Variants in ADRA1A observed in about 807,000 individuals in gnomAD.
ADRA1A encodes alpha-1A adrenergic receptor.
Under a neutral mutation model 29.6 loss-of-function variants are expected in ADRA1A, and 31 were observed. That is an observed-to-expected ratio of 1.05 (90% CI 0.79 to 1.41). The LOEUF is 1.41. Ranked by LOEUF, ADRA1A falls within the 40% of genes most tolerant of loss-of-function variation. The pLI is 0.00. For synonymous variants in ADRA1A, 311 were observed against 254.3 expected, an observed-to-expected ratio of 1.22 and a Z score of -2.12; for missense variants, 619 against 601.1, an observed-to-expected ratio of 1.03 and a Z score of -0.31.
intron 2 of ADRA1A, among the ~76,000 whole-genome samples, chr8:26,788,943 T>A (rs1165422226): frequency 2.0e-5 from 3 of 152,178 alleles, no homozygotes; most frequent in Non-Finnish European, 4.4e-5. Context: ...TATATATTTT[T>A]AAAATTTTAC....
Position 26,865,013 on chromosome 8 carries a change from C to G in ADRA1A, c.-44G>C. On this transcript the variant is annotated 5_prime_UTR_variant, in exon 2 of 3. Transcript: ENST00000380573. The surrounding 1 kb of genome is among the most constrained non-coding windows in gnomAD (Gnocchi z 7.6). ...GCGAGGTCCGGCTGTCCAGGGCCAC[C>G]TCCCGGGCTGGCGCGGAGGCGGGAG... is the stretch of plus-strand genomic sequence containing the variant. The G allele has an allele frequency of 6.5e-7, 1 of 1,534,858 alleles. No homozygotes were observed. The highest frequency in any genetic ancestry group is 8.7e-7 in the Non-Finnish European group (1 of 1,148,874).
Position 26,864,806 on chromosome 8 carries a change from C to T in ADRA1A, c.164G>A (p.Arg55Gln), listed in dbSNP as rs373498579. The T allele has an allele frequency of 2.0e-5, 33 of 1,614,118 alleles. No homozygotes were observed. The East Asian group carries it at 4.2e-4, about 21-fold the overall frequency. Reference sequence around the variant, plus strand: ...GTAGTGCGTGACTGAGTGCAGGTGTCGGTGACAGGCTACGGAGAGGATCAC... The same window carrying T: ...GTAGTGCGTGACTGAGTGCAGGTGTTGGTGACAGGCTACGGAGAGGATCAC... ...ILVILSVACH[R>Q]HLHSVTHYYI... The change falls in exon 2 of 3, where the codon CGA (arginine) becomes CAA (glutamine). Residue 55 changes from arginine (R) to glutamine (Q), a missense_variant. Physicochemically the swap from Arg to Gln is conservative, Grantham distance 43. Coordinates refer to ENST00000380573, the MANE Select transcript of ADRA1A (RefSeq NM_000680.4). The surrounding 1 kb of genome is among the most constrained non-coding windows in gnomAD (Gnocchi z 8.1).
In ADRA1A at chr8:26,864,588, C is replaced by T. The variant is rs938487720; in HGVS notation, c.382G>A (p.Val128Met). ...CIISIDRYIG[V>M]SYPLRYPTIV... ...GTTGGGTAGCGCAGCGGGTAGCTCA[C>T]GCCGATGTAGCGGTCGATGGAGATG... Residue 128 changes from valine to methionine, a missense_variant, in exon 2 of 3, where the codon GTG (valine) becomes ATG (methionine). By Grantham distance (21) the Val-to-Met change is conservative. Transcript: ENST00000380573. This position sits in a 1 kb window ranked among gnomAD's most constrained non-coding sequence, Gnocchi z 8.1. 20 of 1,613,992 alleles carry T rather than the reference C, an allele frequency of 1.2e-5. No individual in the cohort carries two copies. The highest frequency in any genetic ancestry group is 1.6e-5 in the Non-Finnish European group (19 of 1,180,048).
intron 2 of ADRA1A, among the ~76,000 whole-genome samples, chr8:26,811,049 G>T (rs910275755): frequency 6.6e-5 from 10 of 152,174 alleles, no homozygotes; most frequent in African/African-American, 2.4e-4. Flanking sequence ...ACAAGACATG[G>T]TTTATCAAAC....
At chr8:26,792,537 C>T (rs989821875) in intron 2 of ADRA1A, among the ~76,000 whole-genome samples, 3 of 150,436 alleles carry the variant, frequency 2.0e-5, no homozygotes, top group African/African-American at 7.4e-5. Context: ...CTTAGTAGCA[C>T]AAAGAAGACC....
Position 26,825,866 on chromosome 8 carries a change from G to T in ADRA1A, c.883+38221C>A, listed in dbSNP as rs895914354. Among the ~76,000 whole-genome samples the T allele has an allele frequency of 6.6e-6, 1 of 152,186 alleles. No homozygotes were observed. Among genetic ancestry groups the T allele is most frequent in the Non-Finnish European group, 1.5e-5 (1 of 68,038 alleles). On this transcript the variant is annotated intron_variant, in intron 2 of 2. Coordinates refer to ENST00000380573, the MANE Select transcript of ADRA1A (RefSeq NM_000680.4). This position sits in a 1 kb window ranked among gnomAD's most constrained non-coding sequence, Gnocchi z 5.7. ...CAGAAAATCGACTTCCAAGTTCTGC[G>T]CACTGGTGTTTGCATGAGGACATGA...
intron 2 of ADRA1A, among the ~76,000 whole-genome samples, chr8:26,850,746 C>T (rs906862925): frequency 2.6e-5 from 4 of 152,200 alleles, no homozygotes; most frequent in Non-Finnish European, 5.9e-5. Flanking sequence ...CCCACCTCGG[C>T]CTCCCAAATT....
chr8:26,766,211 T>C (rs932361901), downstream of ADRA1A: 33 of 1,132,366 alleles, frequency 2.9e-5, no homozygotes, highest in Non-Finnish European at 3.8e-5. Context: ...TCGTATTTGC[T>C]TTCATTTATT....
At chr8:26,763,169 A>G (rs1295072260), downstream of ADRA1A, among the ~76,000 whole-genome samples, 1 of 152,172 alleles carries the variant, frequency 6.6e-6, no homozygotes, top group African/African-American at 2.4e-5. This position sits in a 1 kb window ranked among gnomAD's most constrained non-coding sequence, Gnocchi z 4.5. Context: ...TCTGAACCCC[A>G]TGGCTCTCCT....
At chr8:26,856,772 C>A (rs925679385) in intron 2 of ADRA1A, among the ~76,000 whole-genome samples, 1 of 152,172 alleles carries the variant, frequency 6.6e-6, no homozygotes, top group Non-Finnish European at 1.5e-5. Context: ...GCTCTGTACA[C>A]GGTTTTCGAT....
intron 2 of ADRA1A, among the ~76,000 whole-genome samples, chr8:26,834,000 C>CA (rs1216562160): frequency 6.6e-6 from 1 of 151,970 alleles, no homozygotes; most frequent in Non-Finnish European, 1.5e-5. Flanking sequence ...CTGGATAACT[C>CA]AAAAGTTATT....
intron 2 of ADRA1A, among the ~76,000 whole-genome samples, chr8:26,811,550 G>A (rs1809398897): frequency 6.6e-6 from 1 of 152,164 alleles, no homozygotes; most frequent in South Asian, 2.1e-4. Context: ...CCTTGTCACT[G>A]CCACTAAACT....
downstream of ADRA1A, among the ~76,000 whole-genome samples, chr8:26,763,599 G>GTTTAGAACATGAAT (rs59698077): frequency 6.6e-6 from 1 of 151,820 alleles, no homozygotes; most frequent in Non-Finnish European, 1.5e-5. The surrounding 1 kb of genome is among the most constrained non-coding windows in gnomAD (Gnocchi z 4.5). Context: ...ACTCATGCAG[G>GTTTAGAACATGAAT]TTAGCCAAGT....
At chr8:26,748,885 G>A (rs1194676892) in intron 2 of ADRA1A, 5 of 335,246 alleles carry the variant, frequency 1.5e-5, no homozygotes, top group Non-Finnish European at 2.9e-5. Context: ...CCAATGTCTT[G>A]GCACCAGTCA....
At chr8:26,808,133 TTTAA>T (rs1809133449) in intron 2 of ADRA1A, among the ~76,000 whole-genome samples, 2 of 152,224 alleles carry the variant, frequency 1.3e-5, no homozygotes, top group African/African-American at 2.4e-5. Context: ...ACATAATCCT[TTTAA>T]TTAGTTTCTT....
At position 26,775,091 on chromosome 8, in the gene ADRA1A, G is replaced by A. The variant is rs950985494; in HGVS notation, c.884-4425C>T. ...GGGAAGTCCATTCGAGCAGCCATCC[G>A]GCCGGCTTTGCTCACTCACGGAGCT... On this transcript the variant is annotated intron_variant, in intron 2 of 2. Coordinates refer to ENST00000380573, the MANE Select transcript of ADRA1A (RefSeq NM_000680.4). This position sits in a 1 kb window ranked among gnomAD's most constrained non-coding sequence, Gnocchi z 4.1. Among the ~76,000 whole-genome samples the A allele has an allele frequency of 2.0e-5, 3 of 152,154 alleles. No homozygotes were observed. Among genetic ancestry groups the A allele is most frequent in the Non-Finnish European group, 2.9e-5 (2 of 68,032 alleles).
intron 2 of ADRA1A, among the ~76,000 whole-genome samples, chr8:26,840,807 T>C (rs1079081): frequency 0.036 from 5,470 of 152,290 alleles, 150 homozygotes; most frequent in African/African-American, 0.077. Flanking sequence ...TTGTCCCCTA[T>C]GGAGGCTGGG....
At chr8:26,790,681 T>C (rs1807750320) in intron 2 of ADRA1A, among the ~76,000 whole-genome samples, 1 of 152,192 alleles carries the variant, frequency 6.6e-6, no homozygotes, top group Admixed American at 6.5e-5. Context: ...TTGACCACTA[T>C]ACATTATATA....
downstream of ADRA1A, chr8:26,756,296 C>A: frequency 1.9e-6 from 1 of 520,374 alleles, no homozygotes; most frequent in Non-Finnish European, 3.0e-6. Flanking sequence ...GTACAGTATA[C>A]TTGATGAATA....
Sources: gnomAD v4.1 joint callset for allele counts (sites outside exome capture counted in the v4.1 genomes callset) on GRCh38, gnomAD v4.1.1 for gene constraint, Gnocchi (gnomAD v3.1) non-coding constraint, MANE v1.5 for transcripts, NCBI Gene and HGNC (gene_info 2026-07-23, HGNC 2026-07-21) for gene names.